The following BCAS4 variants were observed in gnomAD, a reference collection of about 807,000 sequenced individuals.
BCAS4 encodes the protein breast carcinoma-amplified sequence 4.
BCAS4 carries 9 observed loss-of-function variants against 15.7 expected under a neutral mutation model. That is an observed-to-expected ratio of 0.57 (90% CI 0.34 to 1.00). BCAS4 has a LOEUF of 1.00. Ranked by LOEUF, BCAS4 falls within the 50% of genes least tolerant of loss-of-function variation. BCAS4 has a pLI of 0.02. For synonymous variants in BCAS4, 101 were observed against 99.5 expected (o/e 1.02, Z -0.09); for missense variants, 225 against 239.1 (o/e 0.94, Z 0.39).
At chr20:50,873,157 G>A (rs1355021189) in intron 4 of BCAS4, among the ~76,000 whole-genome samples, 5 of 152,234 alleles carry the variant, frequency 3.3e-5, no homozygotes, top group African/African-American at 1.2e-4. Context: ...ATCTAGAGCT[G>A]CCGGCGGCCT....
intron 1 of BCAS4, among the ~76,000 whole-genome samples, chr20:50,796,120 G>A (rs1013853312): frequency 6.6e-6 from 1 of 151,494 alleles, no homozygotes; most frequent in African/African-American, 2.4e-5. Context: ...GGTGGCTCAC[G>A]CTTGTAATCC....
At chr20:50,824,710 A>T (rs2088256689) in intron 2 of BCAS4, among the ~76,000 whole-genome samples, 1 of 152,022 alleles carries the variant, frequency 6.6e-6, no homozygotes, top group African/African-American at 2.4e-5. Context: ...GACTGTAGGG[A>T]GTGATGGGGA....
chr20:50,805,821 A>G (rs926229701), intron 1 of BCAS4, among the ~76,000 whole-genome samples: 2 of 152,122 alleles, frequency 1.3e-5, no homozygotes, highest in African/African-American at 2.4e-5. Flanking sequence ...CTAAAAATAC[A>G]AAACTTAGCC....
At chr20:50,826,518 A>C (rs533898071) in intron 2 of BCAS4, among the ~76,000 whole-genome samples, 2 of 152,380 alleles carry the variant, frequency 1.3e-5, no homozygotes, top group Non-Finnish European at 2.9e-5. Flanking sequence ...ATTTACAGGA[A>C]AATTGCAAAG....
intron 1 of BCAS4, among the ~76,000 whole-genome samples, chr20:50,800,258 T>G (rs932851803): frequency 6.6e-6 from 1 of 151,970 alleles, no homozygotes; most frequent in African/African-American, 2.4e-5. Flanking sequence ...AGGAGTTGGC[T>G]GGCTGAGGAG....
At chr20:50,794,928 C>T (rs1367653468), upstream of BCAS4, 2 of 1,110,258 alleles carry the variant, frequency 1.8e-6, no homozygotes, top group East Asian at 4.1e-5. Context: ...CCCGGCGCTC[C>T]TGGAGCTGCG....
chr20:50,824,205 G>A (rs751741021), intron 2 of BCAS4, among the ~76,000 whole-genome samples: 35 of 152,198 alleles, frequency 2.3e-4, no homozygotes, highest in Non-Finnish European at 4.9e-4. Context: ...AGTGGCCTTC[G>A]GCCCACCTTC....
chr20:50,795,551 C>T (rs1243323730), intron 1 of BCAS4, among the ~76,000 whole-genome samples: 1 of 125,962 alleles, frequency 7.9e-6, no homozygotes, highest in Non-Finnish European at 1.7e-5. Context: ...TGCGGCTGTG[C>T]GGGCCGCGCT....
intron 4 of BCAS4, among the ~76,000 whole-genome samples, chr20:50,862,550 C>T (rs146032494): frequency 3.2e-4 from 47 of 145,522 alleles, no homozygotes; most frequent in East Asian, 2.7e-3. Context: ...CTGAGATGCA[C>T]GGGCACAGCC....
At chr20:50,842,118 C>T (rs867893000) in intron 4 of BCAS4, among the ~76,000 whole-genome samples, 2 of 152,168 alleles carry the variant, frequency 1.3e-5, no homozygotes, top group Non-Finnish European at 2.9e-5. Context: ...ATTTATTGGG[C>T]GCCTACTGTT....
In BCAS4 at chr20:50,797,673, T is replaced by C. The variant is rs564270863; in HGVS notation, c.90+2500T>C. Among the ~76,000 whole-genome samples, 46 of 152,250 alleles carry C rather than the reference T, an allele frequency of 3.0e-4. 1 individual carries two copies. In the South Asian group the frequency reaches 3.7e-3, roughly 12 times the overall value. On this transcript the variant is annotated intron_variant, in intron 1 of 4. Coordinates refer to ENST00000371608, the MANE Select transcript of BCAS4 (RefSeq NM_198799.4). ...AAATGTGAGCTACCTATGCAATTTT[T>C]TTTGTTTTTGAGACAGAGTTTCACT...
rs375993366 is a variant in BCAS4 at position 50,841,971 on chromosome 20, G to A, written c.399+71G>A. The stretch of plus-strand genomic sequence containing the variant: ...CGCTCCGCAGACCCCAGCGTGGGGA[G>A]GAGCATGCAGGAAGCAGAGTTCAGG... On this transcript the variant is annotated intron_variant, in intron 4 of 4. Coordinates refer to ENST00000371608, the MANE Select transcript of BCAS4 (RefSeq NM_198799.4). 29 of 1,473,158 alleles carry A rather than the reference G, an allele frequency of 2.0e-5. No individual in the cohort carries two copies. In the East Asian group the frequency reaches 4.3e-4, roughly 22 times the overall value. The allele number at this position is 1,473,158 out of a possible 1,614,324, so 91.3% of individuals were successfully genotyped here.
intron 1 of BCAS4, among the ~76,000 whole-genome samples, chr20:50,815,951 C>T (rs2088131361): frequency 6.6e-6 from 1 of 151,968 alleles, no homozygotes; most frequent in African/African-American, 2.4e-5. Flanking sequence ...CTGGCCATTA[C>T]AAAAATAACA....
chr20:50,835,693 G>A (rs2088399933), intron 3 of BCAS4, among the ~76,000 whole-genome samples: 1 of 152,044 alleles, frequency 6.6e-6, no homozygotes. Context: ...CCACCGTGGG[G>A]CGTGAATCTC....
At chr20:50,836,852 T>C (rs981544455) in intron 3 of BCAS4, among the ~76,000 whole-genome samples, 2 of 152,162 alleles carry the variant, frequency 1.3e-5, no homozygotes, top group Admixed American at 1.3e-4. Context: ...GGACTACAGG[T>C]GTGTGCCACC....
At chr20:50,833,677 C>A (rs1029397205) in intron 3 of BCAS4, among the ~76,000 whole-genome samples, 2 of 152,210 alleles carry the variant, frequency 1.3e-5, no homozygotes, top group South Asian at 2.1e-4. Context: ...AGCCTCATTT[C>A]CCTGTAAAAT....
At chr20:50,850,114 C>A (rs1347782852) in intron 4 of BCAS4, among the ~76,000 whole-genome samples, 1 of 152,198 alleles carries the variant, frequency 6.6e-6, no homozygotes, top group Non-Finnish European at 1.5e-5. Context: ...GGCATCTTCT[C>A]CACTTTTATG....
At chr20:50,837,963 C>A (rs1010418866) in intron 3 of BCAS4, among the ~76,000 whole-genome samples, 1 of 150,126 alleles carries the variant, frequency 6.7e-6, no homozygotes, top group Non-Finnish European at 1.5e-5. Context: ...CCCACCCACC[C>A]ACCTCTACAC....
At chr20:50,817,913 C>T (rs1449620686) in intron 1 of BCAS4, among the ~76,000 whole-genome samples, 1 of 152,062 alleles carries the variant, frequency 6.6e-6, no homozygotes, top group Non-Finnish European at 1.5e-5. Flanking sequence ...TCCGTGTCCT[C>T]ATCTGTACAA....
Sources: allele counts gnomAD v4.1 joint callset (sites outside exome capture counted in the v4.1 genomes callset), GRCh38; gene constraint gnomAD v4.1.1; transcripts MANE v1.5; gene names NCBI Gene and HGNC (gene_info 2026-07-23, HGNC 2026-07-21).